The following SLC10A7 variants were observed in gnomAD, a reference collection of about 807,000 sequenced individuals.
The protein encoded by SLC10A7 is solute carrier family 10 member 7.
A neutral mutation model predicts 43.2 loss-of-function variants in SLC10A7; 29 were observed. The observed-to-expected ratio is 0.67, with a 90% CI of 0.50 to 0.92. SLC10A7 has a LOEUF of 0.92. Ranked by LOEUF, SLC10A7 falls within the 40% of genes least tolerant of loss-of-function variation. SLC10A7 has a pLI of 0.00. For missense variants in SLC10A7, 295 were observed against 403.2 expected, an observed-to-expected ratio of 0.73 and a Z score of 2.30; for synonymous variants, 152 against 144.8, an observed-to-expected ratio of 1.05 and a Z score of -0.35.
intron 5 of SLC10A7, among the ~76,000 whole-genome samples, chr4:146,368,180 T>C (rs983833885): frequency 1.1e-4 from 17 of 152,178 alleles, no homozygotes; most frequent in African/African-American, 4.1e-4. Flanking sequence ...AGATGACACA[T>C]GCATGTGTAC....
intron 4 of SLC10A7, among the ~76,000 whole-genome samples, chr4:146,448,123 C>T (rs923253058): frequency 2.0e-5 from 3 of 151,534 alleles, no homozygotes; most frequent in African/African-American, 4.9e-5. Flanking sequence ...TGCTAAATGA[C>T]GAGTTAATGG....
intron 5 of SLC10A7, among the ~76,000 whole-genome samples, chr4:146,337,421 A>T (rs1733965033): frequency 6.6e-6 from 1 of 151,912 alleles, no homozygotes; most frequent in Admixed American, 6.6e-5. Flanking sequence ...CAAACATTAC[A>T]CACAAGATAC....
intron 5 of SLC10A7, among the ~76,000 whole-genome samples, chr4:146,439,164 T>G (rs997158579): frequency 1.3e-5 from 2 of 152,024 alleles, no homozygotes; most frequent in African/African-American, 4.8e-5. Flanking sequence ...TTATGTAAAT[T>G]GAATTCACCT....
chr4:146,469,166 T>C (rs1405779346), intron 4 of SLC10A7, among the ~76,000 whole-genome samples: 1 of 152,194 alleles, frequency 6.6e-6, no homozygotes, highest in Non-Finnish European at 1.5e-5. Flanking sequence ...ATTTTTCCTA[T>C]GATGCACAAC....
intron 6 of SLC10A7, among the ~76,000 whole-genome samples, chr4:146,316,348 G>C (rs868834243): frequency 4.6e-5 from 7 of 152,058 alleles, no homozygotes; most frequent in East Asian, 1.9e-4. Flanking sequence ...AACCCCCTGG[G>C]TGCTGGTATT....
chr4:146,399,215 T>G (rs1739048187), intron 5 of SLC10A7, among the ~76,000 whole-genome samples: 1 of 151,958 alleles, frequency 6.6e-6, no homozygotes, highest in Non-Finnish European at 1.5e-5. Context: ...AGGCTTGAAA[T>G]GCTTGAGGGG....
At chr4:146,302,475 A>C (rs1173342531) in intron 7 of SLC10A7, among the ~76,000 whole-genome samples, 1 of 152,268 alleles carries the variant, frequency 6.6e-6, no homozygotes, top group Non-Finnish European at 1.5e-5. Flanking sequence ...GTTAACAAGC[A>C]AACTAAACAT....
intron 1 of SLC10A7, among the ~76,000 whole-genome samples, chr4:146,518,627 G>A (rs1053569270): frequency 6.6e-6 from 1 of 152,044 alleles, no homozygotes; most frequent in African/African-American, 2.4e-5. Context: ...CTTTGCAGAT[G>A]TAATCAAGTT....
intron 10 of SLC10A7, among the ~76,000 whole-genome samples, chr4:146,259,272 T>C (rs1005544324): frequency 2.0e-5 from 3 of 152,264 alleles, no homozygotes; most frequent in African/African-American, 7.2e-5. Flanking sequence ...AAGCTTGCTT[T>C]TGAGAGTAAA....
chr4:146,465,819 T>C (rs928448131), intron 4 of SLC10A7, among the ~76,000 whole-genome samples: 2 of 152,184 alleles, frequency 1.3e-5, no homozygotes, highest in African/African-American at 4.8e-5. Context: ...CTTCATCAGA[T>C]ATCAAGTGAG....
At chr4:146,463,495 C>G (rs1732721167) in intron 4 of SLC10A7, among the ~76,000 whole-genome samples, 1 of 152,136 alleles carries the variant, frequency 6.6e-6, no homozygotes. Context: ...AATCCCAGCA[C>G]TTTGGGAGGC....
intron 5 of SLC10A7, among the ~76,000 whole-genome samples, chr4:146,423,751 T>C (rs947906308): frequency 1.3e-5 from 2 of 152,230 alleles, no homozygotes; most frequent in African/African-American, 2.4e-5. Flanking sequence ...ATTCCAGCTA[T>C]TCTGAAATAT....
intron 5 of SLC10A7, among the ~76,000 whole-genome samples, chr4:146,336,917 C>A (rs902988969): frequency 6.6e-6 from 1 of 152,052 alleles, no homozygotes; most frequent in Non-Finnish European, 1.5e-5. Context: ...TGAAAAACAG[C>A]ATTCAAACTC....
At position 146,471,278 on chromosome 4, in the gene SLC10A7, C is replaced by T. The variant is rs73852861; in HGVS notation, c.397-28457G>A. Among the ~76,000 whole-genome samples the T allele has an allele frequency of 6.6e-3, 1,011 of 152,194 alleles. 17 individuals are homozygous for T. The highest frequency in any genetic ancestry group is 0.023 in the African/African-American group (955 of 41,514). On this transcript the variant is annotated intron_variant, in intron 4 of 11. Transcript: ENST00000335472. ...AAATAGTTACATACATAGGGACAGT[C>T]GAAAACTTTCCTAAATTTAGGCATA...
In SLC10A7 at chr4:146,503,379, A is replaced by C. The variant is rs1056209516; in HGVS notation, c.396+470T>G. 5.3e-5 allele frequency among the ~76,000 whole-genome samples: 8 copies of C among 152,194 alleles called. 1 individual carries two copies. The highest frequency in any genetic ancestry group is 5.2e-4 in the Admixed American group (8 of 15,276). ...TTGTGCCATAGTCCCCTAGCAGTTGAATAATCTCTTTGAATTCATCTAAGA... is the reference window on the plus strand; with the variant it reads ...TTGTGCCATAGTCCCCTAGCAGTTGCATAATCTCTTTGAATTCATCTAAGA... On this transcript the variant is annotated intron_variant, in intron 4 of 11. Transcript: ENST00000335472.
intron 5 of SLC10A7, chr4:146,442,235 C>T: frequency 1.2e-6 from 1 of 815,154 alleles, no homozygotes; most frequent in Non-Finnish European, 1.4e-6. Flanking sequence ...ACTTTTGAAT[C>T]TTTATATATA....
chr4:146,446,743 T>C (rs1731120280), intron 4 of SLC10A7, among the ~76,000 whole-genome samples: 1 of 19,980 alleles, frequency 5.0e-5, no homozygotes, highest in African/African-American at 1.8e-4. Context: ...AGAAGGTTTA[T>C]CTATCTATCT....
chr4:146,303,662 G>A (rs1158758776), intron 7 of SLC10A7, among the ~76,000 whole-genome samples: 2 of 152,110 alleles, frequency 1.3e-5, no homozygotes, highest in South Asian at 2.1e-4. Context: ...TTATAGGCGT[G>A]AGCCACCGAG....
In SLC10A7 at chr4:146,345,317, C is replaced by T. The variant is rs569265331; in HGVS notation, c.436-19321G>A. On this transcript the variant is annotated intron_variant, in intron 5 of 11. Coordinates refer to ENST00000335472, the MANE Select transcript of SLC10A7 (RefSeq NM_001029998.6). ...CATTTTTCTCTACCTTCTCTTACCT[C>T]TTATGCTCTGGGAGACTACAACACA... Among the ~76,000 whole-genome samples, 18 of 152,252 alleles carry T rather than the reference C, an allele frequency of 1.2e-4. No homozygotes were observed. In the South Asian group the frequency reaches 3.1e-3, roughly 26 times the overall value.
Sources: gnomAD v4.1 joint callset for allele counts (sites outside exome capture counted in the v4.1 genomes callset) on GRCh38, gnomAD v4.1.1 for gene constraint, MANE v1.5 for transcripts, NCBI Gene and HGNC (gene_info 2026-07-23, HGNC 2026-07-21) for gene names.